The following ROBO1 variants were observed in gnomAD, a reference collection of about 807,000 sequenced individuals.
ROBO1 encodes the protein roundabout guidance receptor 1.
In ROBO1, 149 loss-of-function variants were observed where a neutral mutation model predicts 195.9. The observed-to-expected ratio is 0.76, with a 90% CI of 0.67 to 0.87. The LOEUF is 0.87. Among genes scored for constraint, ROBO1 ranks in the 40% least tolerant of loss-of-function variants. The probability of loss-of-function intolerance (pLI) is 0.00; values close to 1 mark genes in which losing one functional copy is unlikely to be tolerated. For missense variants in ROBO1, 1,933 were observed against 2,068.3 expected (o/e 0.93, Z 1.27); for synonymous variants, 816 against 733.2 (o/e 1.11, Z -1.82).
At chr3:78,746,300 T>C (rs1304629714) in intron 5 of ROBO1, among the ~76,000 whole-genome samples, 1 of 152,138 alleles carries the variant, frequency 6.6e-6, no homozygotes, top group Non-Finnish European at 1.5e-5. Context: ...AGAAACAATA[T>C]TGAACACTAT....
At chr3:79,382,365 A>G (rs965903830) in intron 2 of ROBO1, among the ~76,000 whole-genome samples, 6 of 152,200 alleles carry the variant, frequency 3.9e-5, no homozygotes, top group Non-Finnish European at 7.4e-5. Context: ...GAAAAAATCA[A>G]TGAGTGTATC....
chr3:79,697,456 T>C (rs989342093), intron 1 of ROBO1, among the ~76,000 whole-genome samples: 6 of 151,348 alleles, frequency 4.0e-5, no homozygotes, highest in South Asian at 2.1e-4. Context: ...GAGAATAAAA[T>C]TACATTCAAT....
chr3:78,776,465 G>A (rs2083510167), intron 4 of ROBO1, among the ~76,000 whole-genome samples: 1 of 152,074 alleles, frequency 6.6e-6, no homozygotes, highest in Non-Finnish European at 1.5e-5. Context: ...TGGCCAGCTG[G>A]TCTTGAACTC....
chr3:78,830,652 TC>T (rs950987387), intron 4 of ROBO1, among the ~76,000 whole-genome samples: 2 of 152,166 alleles, frequency 1.3e-5, no homozygotes, highest in African/African-American at 4.8e-5. Flanking sequence ...GGAAACCGTT[TC>T]CATAATTAAA....
At chr3:79,566,491 C>G (rs57197020) in intron 2 of ROBO1, among the ~76,000 whole-genome samples, 13,852 of 152,012 alleles carry the variant, frequency 0.091, 655 homozygotes, top group Middle Eastern at 0.16. Context: ...AGAAGAGGGA[C>G]AGTGATATCA....
At chr3:78,926,975 A>C (rs1340601407) in intron 4 of ROBO1, among the ~76,000 whole-genome samples, 1 of 152,156 alleles carries the variant, frequency 6.6e-6, no homozygotes, top group Non-Finnish European at 1.5e-5. Context: ...AATTCTAGGA[A>C]AGAGAATATT....
intron 1 of ROBO1, among the ~76,000 whole-genome samples, chr3:79,659,515 G>A (rs1946267316): frequency 6.6e-6 from 1 of 151,826 alleles, no homozygotes; most frequent in Non-Finnish European, 1.5e-5. Context: ...TATTGGATAA[G>A]ACTCATTAGG....
intron 27 of ROBO1, among the ~76,000 whole-genome samples, chr3:78,616,305 GTTAT>G (rs1162821044): frequency 2.6e-4 from 39 of 152,164 alleles, no homozygotes; most frequent in African/African-American, 9.1e-4. Context: ...AAAGTTAGAT[GTTAT>G]TTATTTATTA....
rs182063797 is a variant in ROBO1 at position 78,891,915 on chromosome 3, A to G, written c.499+46686T>C. Among the ~76,000 whole-genome samples the G allele has an allele frequency of 2.2e-3, 330 of 152,350 alleles. 1 individual carries two copies. The highest frequency in any genetic ancestry group is 7.5e-3 in the African/African-American group (314 of 41,592). On this transcript the variant is annotated intron_variant, in intron 4 of 30. Coordinates refer to ENST00000464233, the MANE Select transcript of ROBO1 (RefSeq NM_002941.4). ...AATCTGCTGTGATAGATGTCTAAAC[A>G]GTGGTTGCCTCTCAAGATAGGGATT...
At chr3:79,231,772 T>C (rs775530535) in intron 2 of ROBO1, among the ~76,000 whole-genome samples, 1 of 152,166 alleles carries the variant, frequency 6.6e-6, no homozygotes, top group Admixed American at 6.5e-5. Flanking sequence ...GGTATGTTCC[T>C]TGCAGCACTA....
chr3:79,683,373 C>T (rs1163306899), intron 1 of ROBO1, among the ~76,000 whole-genome samples: 1 of 151,950 alleles, frequency 6.6e-6, no homozygotes, highest in Non-Finnish European at 1.5e-5. Flanking sequence ...ATTCATGTAA[C>T]AAAATTTTAA....
intron 2 of ROBO1, among the ~76,000 whole-genome samples, chr3:79,379,518 A>C (rs1189215619): frequency 6.6e-6 from 1 of 152,224 alleles, no homozygotes; most frequent in Non-Finnish European, 1.5e-5. Flanking sequence ...ACTGGTGCCA[A>C]ACCTAAAGAT....
At chr3:79,387,895 T>C (rs1210232211) in intron 2 of ROBO1, among the ~76,000 whole-genome samples, 2 of 152,152 alleles carry the variant, frequency 1.3e-5, no homozygotes, top group East Asian at 1.9e-4. Flanking sequence ...TGACCTTTCA[T>C]GTGGACGGCC....
At chr3:78,937,986 AGTGAGTGTGTGTGTGTGTGTGTGTGT>A (rs1479203642) in intron 4 of ROBO1, 1 of 126,772 alleles carries the variant, frequency 7.9e-6, no homozygotes, top group African/African-American at 3.1e-5. Context: ...TAAGAGAGAG[AGTGAGTGTGTGTGTGTGTGTGTGTGT>A]GTGTGTGTGT....
At chr3:79,106,824 T>C (rs1013314106) in intron 3 of ROBO1, among the ~76,000 whole-genome samples, 3 of 151,620 alleles carry the variant, frequency 2.0e-5, no homozygotes, top group Non-Finnish European at 3.0e-5. Flanking sequence ...AGCAGTGAAG[T>C]TGCACAGGAA....
intron 3 of ROBO1, among the ~76,000 whole-genome samples, chr3:79,104,495 T>A (rs1198804078): frequency 1.3e-5 from 2 of 151,818 alleles, no homozygotes; most frequent in Non-Finnish European, 2.9e-5. Flanking sequence ...TCTCTGTTCT[T>A]TAACAAGAGC....
At chr3:78,897,882 G>A (rs890150468) in intron 4 of ROBO1, among the ~76,000 whole-genome samples, 1 of 151,756 alleles carries the variant, frequency 6.6e-6, no homozygotes, top group Non-Finnish European at 1.5e-5. Flanking sequence ...TTTGCATTTG[G>A]ATTTACGAAA....
intron 4 of ROBO1, among the ~76,000 whole-genome samples, chr3:78,878,741 T>TA (rs977697891): frequency 3.9e-4 from 60 of 151,982 alleles, no homozygotes; most frequent in African/African-American, 1.4e-3. Flanking sequence ...TGAAGCAACT[T>TA]ATCTATCTAA....
chr3:79,259,420 G>A (rs1158767078), intron 2 of ROBO1, among the ~76,000 whole-genome samples: 1 of 151,876 alleles, frequency 6.6e-6, no homozygotes, highest in Admixed American at 6.6e-5. Context: ...GATTACAGGT[G>A]TGAGCCACCA....
Sources: gnomAD v4.1 joint callset for allele counts (sites outside exome capture counted in the v4.1 genomes callset) on GRCh38, gnomAD v4.1.1 for gene constraint, MANE v1.5 for transcripts, NCBI Gene and HGNC (gene_info 2026-07-23, HGNC 2026-07-21) for gene names.